NDUFS4: variants seen among roughly 807,000 people sequenced by gnomAD.
The protein encoded by NDUFS4 is NADH dehydrogenase [ubiquinone] iron-sulfur protein 4, mitochondrial.
NDUFS4 carries 28 observed loss-of-function variants against 24.3 expected under a neutral mutation model. That is an observed-to-expected ratio of 1.15 (90% CI 0.85 to 1.58). The LOEUF (loss-of-function observed/expected upper bound fraction) is 1.58. Among genes scored for constraint, NDUFS4 ranks in the 40% most tolerant of loss-of-function variants. NDUFS4 has a pLI of 0.00. For synonymous variants in NDUFS4, 93 were observed against 69.7 expected (o/e 1.34, Z -1.67); for missense variants, 223 against 207.9 (o/e 1.07, Z -0.45).
chr5:53,572,442 C>G (rs1364123839), intron 1 of NDUFS4, among the ~76,000 whole-genome samples: 1 of 152,166 alleles, frequency 6.6e-6, no homozygotes, highest in Non-Finnish European at 1.5e-5. Context: ...TGAACTCTAC[C>G]AATCAGATGT....
intron 3 of NDUFS4, among the ~76,000 whole-genome samples, chr5:53,652,997 T>C (rs1752061239): frequency 6.6e-6 from 1 of 152,242 alleles, no homozygotes; most frequent in East Asian, 1.9e-4. Context: ...TTTCATTTAT[T>C]TCTGTAAGCA....
intron 2 of NDUFS4, among the ~76,000 whole-genome samples, chr5:53,606,170 C>T (rs1008142554): frequency 2.6e-5 from 4 of 151,920 alleles, no homozygotes; most frequent in Admixed American, 6.5e-5. Flanking sequence ...GGTGACAGAG[C>T]GAGACTCTGT....
intron 2 of NDUFS4, among the ~76,000 whole-genome samples, chr5:53,624,518 T>C (rs2112481894): frequency 6.6e-6 from 1 of 152,308 alleles, no homozygotes; most frequent in East Asian, 1.9e-4. Context: ...CTTTTAACAG[T>C]GTTTTGCGGT....
intron 4 of NDUFS4, among the ~76,000 whole-genome samples, chr5:53,668,616 A>ATTT (rs951595795): frequency 7.6e-6 from 1 of 132,342 alleles, no homozygotes; most frequent in African/African-American, 2.8e-5. Flanking sequence ...TGTCCAGCTA[A>ATTT]TTTTTTTTTT....
intron 2 of NDUFS4, among the ~76,000 whole-genome samples, chr5:53,623,281 T>C (rs867536602): frequency 2.0e-5 from 3 of 151,752 alleles, no homozygotes; most frequent in Middle Eastern, 3.2e-3. Context: ...CAACATGTGT[T>C]ATTTTCCATT....
intron 1 of NDUFS4, among the ~76,000 whole-genome samples, chr5:53,593,629 A>G (rs1750043718): frequency 6.6e-6 from 1 of 150,570 alleles, no homozygotes; most frequent in South Asian, 2.1e-4. Context: ...CCTGTGGTGG[A>G]AGCTTAGATT....
chr5:53,610,924 G>A (rs1750674038), intron 2 of NDUFS4, among the ~76,000 whole-genome samples: 1 of 152,112 alleles, frequency 6.6e-6, no homozygotes, highest in African/African-American at 2.4e-5. Flanking sequence ...TTTAAATTTA[G>A]GTTGTCATAC....
At chr5:53,586,910 A>G (rs1484091501) in intron 1 of NDUFS4, among the ~76,000 whole-genome samples, 3 of 150,296 alleles carry the variant, frequency 2.0e-5, no homozygotes, top group Non-Finnish European at 4.4e-5. Flanking sequence ...TGCAACTTCC[A>G]CTTCCCGGGT....
chr5:53,669,617 T>A (rs1752610262), intron 4 of NDUFS4, among the ~76,000 whole-genome samples: 2 of 152,216 alleles, frequency 1.3e-5, no homozygotes, highest in African/African-American at 4.8e-5. Flanking sequence ...TTACCTTTTT[T>A]GTACTGCACT....
At chr5:53,665,833 C>T (rs1752497626) in intron 4 of NDUFS4, among the ~76,000 whole-genome samples, 1 of 152,230 alleles carries the variant, frequency 6.6e-6, no homozygotes, top group South Asian at 2.1e-4. Context: ...ACCCACTGTC[C>T]TGCACACACT....
chr5:53,572,278 C>G (rs528196395), intron 1 of NDUFS4, among the ~76,000 whole-genome samples: 1 of 152,048 alleles, frequency 6.6e-6, no homozygotes, highest in Non-Finnish European at 1.5e-5. Flanking sequence ...GGGAAGACAC[C>G]TCTCACATGA....
chr5:53,659,229 A>C (rs1561391803), intron 4 of NDUFS4, among the ~76,000 whole-genome samples: 1 of 152,158 alleles, frequency 6.6e-6, no homozygotes, highest in Non-Finnish European at 1.5e-5. Context: ...TCATTGGGTT[A>C]TGTTGATCTT....
chr5:53,591,684 G>T (rs539540453), intron 1 of NDUFS4, among the ~76,000 whole-genome samples: 17 of 151,438 alleles, frequency 1.1e-4, no homozygotes, highest in Admixed American at 2.6e-4. Context: ...GTACCATTTC[G>T]CATTCCCACC....
chr5:53,565,922 C>T (rs1749008144), intron 1 of NDUFS4, among the ~76,000 whole-genome samples: 1 of 152,092 alleles, frequency 6.6e-6, no homozygotes. Context: ...GCCTGTAATC[C>T]CAGCATTTTG....
intron 1 of NDUFS4, among the ~76,000 whole-genome samples, chr5:53,572,993 C>G (rs1749265650): frequency 1.5e-5 from 2 of 135,068 alleles, no homozygotes; most frequent in African/African-American, 2.8e-5. Context: ...TTTAAGAGAC[C>G]AGGTCTTGCT....
intron 1 of NDUFS4, among the ~76,000 whole-genome samples, chr5:53,602,146 T>C (rs1040240321): frequency 6.6e-6 from 1 of 152,216 alleles, no homozygotes; most frequent in African/African-American, 2.4e-5. Context: ...CATTACCCAA[T>C]GTTTTTCTTG....
At chr5:53,618,672 G>C (rs953233764) in intron 2 of NDUFS4, among the ~76,000 whole-genome samples, 6 of 152,138 alleles carry the variant, frequency 3.9e-5, no homozygotes. Context: ...TGGTAGATAG[G>C]TGTATTGCTA....
intron 2 of NDUFS4, among the ~76,000 whole-genome samples, chr5:53,643,448 T>A (rs1042139821): frequency 6.6e-6 from 1 of 152,126 alleles, no homozygotes. Context: ...CTCAGGTAGC[T>A]CCGTGTGAAT....
At chr5:53,627,147 C>T (rs1751254577) in intron 2 of NDUFS4, among the ~76,000 whole-genome samples, 1 of 152,126 alleles carries the variant, frequency 6.6e-6, no homozygotes, top group Non-Finnish European at 1.5e-5. Flanking sequence ...AATCCTTTCC[C>T]CATTGCGTGT....
Sources: allele counts gnomAD v4.1 joint callset (sites outside exome capture counted in the v4.1 genomes callset), GRCh38; gene constraint gnomAD v4.1.1; transcripts MANE v1.5; gene names NCBI Gene and HGNC (gene_info 2026-07-23, HGNC 2026-07-21).